Variants in PXDNL observed in about 807,000 individuals in gnomAD.
The protein encoded by PXDNL is peroxidasin like.
A neutral mutation model predicts 150.8 loss-of-function variants in PXDNL; 145 were observed. The ratio of observed to expected loss-of-function variants is 0.96; its 90% CI spans 0.84 to 1.10. The LOEUF is 1.10. Ranked by LOEUF, PXDNL falls within the 50% of genes least tolerant of loss-of-function variation. The probability of loss-of-function intolerance (pLI) is 0.00; values close to 1 mark genes in which losing one functional copy is unlikely to be tolerated. For missense variants in PXDNL, 2,087 were observed against 1,873.9 expected, an observed-to-expected ratio of 1.11 and a Z score of -2.10; for synonymous variants, 757 against 725.7, an observed-to-expected ratio of 1.04 and a Z score of -0.69.
intron 8 of PXDNL, among the ~76,000 whole-genome samples, chr8:51,466,018 T>C (rs1267663524): frequency 1.3e-5 from 2 of 151,950 alleles, no homozygotes; most frequent in African/African-American, 4.8e-5. Flanking sequence ...AACACCAATG[T>C]CATTTTTCAC....
chr8:51,686,305 AG>A (rs1815870818), intron 1 of PXDNL, among the ~76,000 whole-genome samples: 4 of 152,258 alleles, frequency 2.6e-5, no homozygotes, highest in African/African-American at 7.2e-5. Context: ...ATGTAATATA[AG>A]AAACCACAGC....
chr8:51,403,837 G>C (rs2082278), intron 17 of PXDNL, among the ~76,000 whole-genome samples: 1,736 of 152,284 alleles, frequency 0.011, 20 homozygotes, highest in Non-Finnish European at 0.018. Flanking sequence ...TGAGGTCTCG[G>C]TCTCACTGAC....
intron 1 of PXDNL, among the ~76,000 whole-genome samples, chr8:51,743,435 G>A (rs1211100246): frequency 6.6e-6 from 1 of 151,880 alleles, no homozygotes; most frequent in African/African-American, 2.4e-5. Flanking sequence ...CTGCAGTAGT[G>A]CAGTGATGCG....
intron 4 of PXDNL, among the ~76,000 whole-genome samples, chr8:51,547,319 C>T (rs1305064028): frequency 2.0e-5 from 3 of 152,122 alleles, no homozygotes; most frequent in Admixed American, 1.3e-4. Flanking sequence ...AGCTGCAACA[C>T]CCTGGCTAAC....
At chr8:51,633,377 T>C (rs1263407450) in intron 2 of PXDNL, among the ~76,000 whole-genome samples, 1 of 152,196 alleles carries the variant, frequency 6.6e-6, no homozygotes, top group Non-Finnish European at 1.5e-5. Context: ...TGTGTCTTTT[T>C]GGTAGTACAG....
chr8:51,734,980 T>C (rs1375019555), intron 1 of PXDNL, among the ~76,000 whole-genome samples: 1 of 152,186 alleles, frequency 6.6e-6, no homozygotes, highest in Non-Finnish European at 1.5e-5. Context: ...AGATCAATTG[T>C]ACAACATGGT....
At chr8:51,398,530 TAACTTCTATCCTTATAAGGATA>T (rs1298993709) in intron 17 of PXDNL, among the ~76,000 whole-genome samples, 1 of 152,178 alleles carries the variant, frequency 6.6e-6, no homozygotes, top group African/African-American at 2.4e-5. Flanking sequence ...CTTAACAGAA[TAACTTCTATCCTTATAAGGATA>T]AACTCTACTC....
chr8:51,509,896 T>G (rs1811377244), intron 4 of PXDNL, among the ~76,000 whole-genome samples: 1 of 151,894 alleles, frequency 6.6e-6, no homozygotes, highest in Non-Finnish European at 1.5e-5. Flanking sequence ...ATTTATTAGT[T>G]TTAAAGCTTG....
intron 4 of PXDNL, among the ~76,000 whole-genome samples, chr8:51,523,080 T>C (rs969452838): frequency 6.6e-6 from 1 of 152,202 alleles, no homozygotes; most frequent in Non-Finnish European, 1.5e-5. Flanking sequence ...GTATATATTC[T>C]ATTTTAACCT....
chr8:51,625,040 T>A (rs1309700839), intron 2 of PXDNL, among the ~76,000 whole-genome samples: 3 of 152,112 alleles, frequency 2.0e-5, no homozygotes, highest in Admixed American at 2.0e-4. Flanking sequence ...TATTCCTAAA[T>A]CCTGGGGGAT....
chr8:51,504,546 C>T (rs188717295), intron 4 of PXDNL, among the ~76,000 whole-genome samples: 17 of 152,306 alleles, frequency 1.1e-4, no homozygotes, highest in Non-Finnish European at 2.1e-4. Flanking sequence ...AAAGCCTTCC[C>T]TGAGCTCCTG....
intron 2 of PXDNL, among the ~76,000 whole-genome samples, chr8:51,612,375 A>G (rs1038386172): frequency 8.5e-5 from 13 of 152,142 alleles, no homozygotes; most frequent in African/African-American, 3.1e-4. Context: ...GGGGCTAACA[A>G]TCGCCATCGA....
intron 6 of PXDNL, among the ~76,000 whole-genome samples, chr8:51,478,475 C>A (rs1306293767): frequency 6.6e-6 from 1 of 152,208 alleles, no homozygotes; most frequent in East Asian, 1.9e-4. Context: ...CTTACACAAT[C>A]CCTTTCACTT....
At chr8:51,809,105 A>C in intron 1 of PXDNL, 76 bp downstream of exon 1, 1 of 1,483,682 alleles carries the variant, frequency 6.7e-7, no homozygotes, top group Non-Finnish European at 9.3e-7. Context: ...ATCGTAAATT[A>C]AAAGGACACA....
At chr8:51,366,428 G>A (rs1806921645) in intron 19 of PXDNL, among the ~76,000 whole-genome samples, 1 of 151,994 alleles carries the variant, frequency 6.6e-6, no homozygotes, top group Admixed American at 6.5e-5. Flanking sequence ...TGGCTGTGCT[G>A]GAGTCTCTCT....
intron 4 of PXDNL, among the ~76,000 whole-genome samples, chr8:51,533,580 C>T (rs1811961196): frequency 2.0e-5 from 3 of 146,988 alleles, no homozygotes; most frequent in Admixed American, 1.3e-4. Flanking sequence ...TCTCGGCTCA[C>T]TGCAACCTCC....
chr8:51,660,052 G>A (rs544811859), intron 1 of PXDNL, among the ~76,000 whole-genome samples: 5 of 152,024 alleles, frequency 3.3e-5, no homozygotes, highest in South Asian at 4.2e-4. Context: ...ACCATGTCGG[G>A]CTAATGTTTG....
At chr8:51,575,125 A>G (rs1397333606) in intron 3 of PXDNL, among the ~76,000 whole-genome samples, 1 of 152,046 alleles carries the variant, frequency 6.6e-6, no homozygotes. Flanking sequence ...ATTATAAATC[A>G]GGGAGGGTAA....
intron 2 of PXDNL, among the ~76,000 whole-genome samples, chr8:51,621,432 ATGAG>A (rs1484082481): frequency 7.0e-6 from 1 of 142,428 alleles, no homozygotes; most frequent in African/African-American, 2.8e-5. Context: ...TTACAAAAGA[ATGAG>A]TGTGTGTGTG....
Sources: allele counts gnomAD v4.1 joint callset (sites outside exome capture counted in the v4.1 genomes callset), GRCh38; gene constraint gnomAD v4.1.1; transcripts MANE v1.5; gene names NCBI Gene and HGNC (gene_info 2026-07-23, HGNC 2026-07-21).